The following SYNE2 variants were observed in gnomAD, a reference collection of about 807,000 sequenced individuals.
SYNE2 encodes the protein spectrin repeat containing nuclear envelope protein 2.
In SYNE2, 431 loss-of-function variants were observed where a neutral mutation model predicts 856.3. The observed-to-expected ratio is 0.50, with a 90% CI of 0.47 to 0.55. The LOEUF (loss-of-function observed/expected upper bound fraction) is 0.55, where lower values mean the gene tolerates loss of function less well. SYNE2 is among the 20% of genes least tolerant of loss of function. The probability of loss-of-function intolerance (pLI) is 0.00; values close to 1 mark genes in which losing one functional copy is unlikely to be tolerated. For synonymous variants in SYNE2, 2,923 were observed against 2,872.3 expected (o/e 1.02, Z -0.56); for missense variants, 8,129 against 8,023.2 (o/e 1.01, Z -0.50).
intron 1 of SYNE2, among the ~76,000 whole-genome samples, chr14:63,898,725 A>T (rs2095294782): frequency 6.6e-6 from 1 of 152,158 alleles, no homozygotes; most frequent in Non-Finnish European, 1.5e-5. Flanking sequence ...GCTTTCTAAG[A>T]ACAAGTGTTT....
chr14:64,094,959 A>T (rs1039517203), intron 61 of SYNE2: 1 of 168,212 alleles, frequency 5.9e-6, no homozygotes, highest in African/African-American at 2.4e-5. Flanking sequence ...TAAAGTAGTT[A>T]TATTTTCTAA....
chr14:63,977,801 T>C, intron 12 of SYNE2, 104 bp from the exon 13 acceptor site: 1 of 829,924 alleles, frequency 1.2e-6, no homozygotes, highest in East Asian at 2.6e-5. Flanking sequence ...GAGGGTTTTA[T>C]GATTTTTTTT....
At chr14:63,995,396 C>T (rs552398468) in intron 23 of SYNE2, among the ~76,000 whole-genome samples, 194 bp downstream of exon 23, 3 of 152,254 alleles carry the variant, frequency 2.0e-5, no homozygotes, top group East Asian at 1.9e-4. Flanking sequence ...TGAGAAAATT[C>T]GGCACTGAGT....
intron 1 of SYNE2, among the ~76,000 whole-genome samples, chr14:63,844,736 A>C (rs1423158302): frequency 6.6e-6 from 1 of 152,084 alleles, no homozygotes; most frequent in Non-Finnish European, 1.5e-5. Flanking sequence ...AACAATTGGG[A>C]AGTTTTTCTT....
intron 7 of SYNE2, among the ~76,000 whole-genome samples, chr14:63,951,973 C>A (rs182023325): frequency 1.5e-3 from 225 of 152,238 alleles, no homozygotes; most frequent in African/African-American, 5.0e-3. Flanking sequence ...ATGGGTTTAT[C>A]CTAGTTTTGG....
chr14:64,202,989 G>C lies in SYNE2; in HGVS notation c.18201+26G>C, dbSNP rs745535242. 16 of 1,613,178 alleles carry C rather than the reference G, an allele frequency of 9.9e-6. No homozygotes were observed. The South Asian group carries it at 1.1e-4, about 11-fold the overall frequency. Reference sequence around the variant, plus strand: ...GTGGGACAATCAGAAATGAGCTCTTGCAAGAGTACGGTGTCCGCGATATGC... The same window carrying C: ...GTGGGACAATCAGAAATGAGCTCTTCCAAGAGTACGGTGTCCGCGATATGC... On this transcript the variant is annotated intron_variant, in intron 100 of 115. Transcript: ENST00000555002.
intron 1 of SYNE2, among the ~76,000 whole-genome samples, chr14:63,788,858 C>T (rs1887635322): frequency 6.6e-6 from 1 of 152,168 alleles, no homozygotes. Context: ...TCCGCTGCTG[C>T]GTATATACCC....
rs985839262 is a variant in SYNE2 at position 63,988,035 on chromosome 14, A to T, written c.2313+1418A>T. On this transcript the variant is annotated intron_variant, in intron 19 of 115. Transcript: ENST00000555002. ...TATACCTGTAACTGAGTCTATCTTA[A>T]TCCTGTGTTATGCTCAGCTCCTAGT... Among the ~76,000 whole-genome samples, 3 of 152,210 alleles carry T rather than the reference A, an allele frequency of 2.0e-5. No homozygotes were observed. The South Asian group carries it at 6.2e-4, about 31-fold the overall frequency.
Position 64,162,082 on chromosome 14 carries a change from G to A in SYNE2, c.16105G>A (p.Val5369Met), listed in dbSNP as rs752830328. ...CQNTHKRWTQ[V>M]NQAIADQLQK... ...GCGTTGCACTGACAGGTGGACTCAG[G>A]TGAACCAAGCCATTGCAGACCAGTT... The change falls in exon 88 of 116, where the codon GTG (valine) becomes ATG (methionine). Residue 5369 changes from valine (V) to methionine (M), a missense_variant. Coordinates refer to ENST00000555002, the MANE Select transcript of SYNE2 (RefSeq NM_182914.3). 5.0e-6 allele frequency: 8 copies of A among 1,614,076 alleles called. No individual in the cohort carries two copies. The highest frequency in any genetic ancestry group is 2.2e-5 in the South Asian group (2 of 91,086).
chr14:64,152,619 G>A lies in SYNE2; in HGVS notation c.15695G>A (p.Ser5232Asn), dbSNP rs2098253255. The A allele has an allele frequency of 1.2e-6, 2 of 1,614,110 alleles. No individual in the cohort carries two copies. The highest frequency in any genetic ancestry group is 1.3e-5 in the African/African-American group (1 of 75,046). Reference protein sequence around the residue: ...KSKALDELKQSYLTLESGAVP... With the variant: ...KSKALDELKQNYLTLESGAVP... The stretch of plus-strand genomic sequence containing the variant: ...AAAGCACTAGATGAGTTGAAACAAA[G>A]TTATCTGACTTTGGAGAGTGGGGCA... The change falls in exon 85 of 116, where the codon AGT becomes AAT. Residue 5232 changes from serine (S) to asparagine (N), a missense_variant. Ser to Asn is a conservative substitution (Grantham distance 46, BLOSUM62 1). Around this residue, in one of 3 missense-constraint regions of SYNE2, gnomAD observed 5,410 missense variants for 5,284.8 expected, o/e 1.02. Coordinates refer to ENST00000555002, the MANE Select transcript of SYNE2 (RefSeq NM_182914.3).
chr14:64,026,502 C>G, intron 41 of SYNE2, 77 bp from the exon 42 acceptor site: 1 of 1,164,466 alleles, frequency 8.6e-7, no homozygotes. Context: ...CTATATAAAG[C>G]TTACAAATAA....
rs1372126884 is a variant in SYNE2, at chr14:64,038,526, C to T, written c.7221+7169C>T. On this transcript the variant is annotated intron_variant, in intron 45 of 115. Transcript: ENST00000555002. ...TGGAGGTTGTAGCGAGCCGAGATCA[C>T]GCCACTGCACTCCAGCCTGGGCACC... Among the ~76,000 whole-genome samples the T allele has an allele frequency of 9.8e-5, 15 of 152,320 alleles. No individual in the cohort carries two copies. In the East Asian group the frequency reaches 2.9e-3, roughly 29 times the overall value.
At position 63,933,900 on chromosome 14, in the gene SYNE2, T is replaced by C. The variant is rs1044925831; in HGVS notation, c.80-6714T>C. 2.6e-5 allele frequency among the ~76,000 whole-genome samples: 4 copies of C among 152,196 alleles called. 1 individual carries two copies. The highest frequency in any genetic ancestry group is 9.7e-5 in the African/African-American group (4 of 41,448). The stretch of plus-strand genomic sequence containing the variant: ...CCTTTGAAAAGAACAAAAGGTTCCT[T>C]ATCCTGCCATAGGGTGAGCTATTTG... On this transcript the variant is annotated intron_variant, in intron 2 of 115. Coordinates refer to ENST00000555002, the MANE Select transcript of SYNE2 (RefSeq NM_182914.3).
chr14:64,005,354 A>G (rs1168586774), intron 30 of SYNE2, among the ~76,000 whole-genome samples: 21 of 152,170 alleles, frequency 1.4e-4, no homozygotes, highest in Non-Finnish European at 1.5e-5. Flanking sequence ...GACCAGTGGT[A>G]ATGTGGTAGA....
Position 64,070,898 on chromosome 14 carries a change from A to G in SYNE2, c.10685A>G (p.Glu3562Gly). The change falls in exon 52 of 116, where the codon GAA becomes GGA. Residue 3562 changes from glutamate (E) to glycine (G), a missense_variant. Physicochemically the swap from Glu to Gly is moderately conservative, Grantham distance 98. Around this residue, in one of 3 missense-constraint regions of SYNE2, gnomAD observed 5,410 missense variants for 5,284.8 expected, o/e 1.02. Transcript: ENST00000555002. The stretch of plus-strand genomic sequence containing the variant: ...TTTCAAGAAATTACTTCTATGAAAG[A>G]ACGATGCAACAAGTAAGATTTATGA... Reference protein sequence around the residue: ...PAFQEITSMKERCNKLLQKVQ... With the variant: ...PAFQEITSMKGRCNKLLQKVQ... The G allele has an allele frequency of 6.2e-7, 1 of 1,614,198 alleles. No homozygotes were observed. The highest frequency in any genetic ancestry group is 2.2e-5 in the East Asian group (1 of 44,886).
chr14:63,888,968 G>A (rs867451271), intron 1 of SYNE2, among the ~76,000 whole-genome samples: 3 of 150,824 alleles, frequency 2.0e-5, no homozygotes, highest in African/African-American at 4.9e-5. Flanking sequence ...TTGGGAGGCC[G>A]AGGTGGGTGG....
intron 61 of SYNE2, among the ~76,000 whole-genome samples, chr14:64,096,817 G>A (rs1372464417): frequency 1.3e-5 from 2 of 152,178 alleles, no homozygotes; most frequent in African/African-American, 2.4e-5. Context: ...TCTCTGTTTT[G>A]TAAGAAAATT....
chr14:63,865,725 A>AC (rs1895102477), intron 1 of SYNE2, among the ~76,000 whole-genome samples: 1 of 41,838 alleles, frequency 2.4e-5, no homozygotes, highest in Non-Finnish European at 4.7e-5. Context: ...CCCCCCCCCC[A>AC]AAAAAAAAGA....
intron 83 of SYNE2, among the ~76,000 whole-genome samples, chr14:64,145,188 A>G (rs758356156): frequency 8.6e-5 from 13 of 151,830 alleles, no homozygotes; most frequent in Middle Eastern, 6.8e-3. Context: ...CTGCCTCCCA[A>G]AATGCTGGGA....
Sources: gnomAD v4.1 joint callset for allele counts (sites outside exome capture counted in the v4.1 genomes callset) on GRCh38, gnomAD v4.1.1 for gene constraint, gnomAD v4.1.1 regional missense constraint, MANE v1.5 for transcripts, NCBI Gene and HGNC (gene_info 2026-07-23, HGNC 2026-07-21) for gene names.